The following SUPT3H variants were observed in gnomAD, a reference collection of about 807,000 sequenced individuals.
SUPT3H encodes the protein transcription initiation protein SPT3 homolog.
In SUPT3H, 44 loss-of-function variants were observed where a neutral mutation model predicts 44.3. The observed-to-expected ratio is 0.99, with a 90% CI of 0.78 to 1.28. SUPT3H has a LOEUF of 1.28. Among genes scored for constraint, SUPT3H ranks in the 50% most tolerant of loss-of-function variants. The pLI, the probability that SUPT3H is intolerant of heterozygous loss-of-function variation, is 0.00. For missense variants in SUPT3H, 380 were observed against 387.1 expected (o/e 0.98, Z 0.15); for synonymous variants, 124 against 125.6 (o/e 0.99, Z 0.09).
chr6:44,849,701 A>C (rs1467665788), intron 10 of SUPT3H, among the ~76,000 whole-genome samples: 1 of 152,194 alleles, frequency 6.6e-6, no homozygotes, highest in African/African-American at 2.4e-5. Flanking sequence ...CTGGAACAAT[A>C]ATCTCAGGAA....
chr6:44,987,900 A>T (rs1582917684), intron 6 of SUPT3H, among the ~76,000 whole-genome samples: 1 of 152,112 alleles, frequency 6.6e-6, no homozygotes, highest in South Asian at 2.1e-4. Context: ...AAGAGAGGAA[A>T]AGGTTTAAAT....
At chr6:45,184,062 G>T (rs182095851) in intron 2 of SUPT3H, among the ~76,000 whole-genome samples, 1 of 151,780 alleles carries the variant, frequency 6.6e-6, no homozygotes, top group Non-Finnish European at 1.5e-5. Context: ...TGGCTCATCA[G>T]TTTTAACAAA....
chr6:45,033,119 T>C (rs1010905278), intron 3 of SUPT3H, among the ~76,000 whole-genome samples: 2 of 152,094 alleles, frequency 1.3e-5, no homozygotes, highest in Non-Finnish European at 2.9e-5. Context: ...CTTGCAGATA[T>C]GTTAAGAAGA....
chr6:45,368,495 A>G (rs1038393348), intron 1 of SUPT3H, among the ~76,000 whole-genome samples: 1 of 152,200 alleles, frequency 6.6e-6, no homozygotes, highest in Non-Finnish European at 1.5e-5. Context: ...AACAAAATGC[A>G]CTGAACATGC....
chr6:45,373,096 C>T (rs571066221), intron 1 of SUPT3H, among the ~76,000 whole-genome samples: 4 of 152,164 alleles, frequency 2.6e-5, no homozygotes, highest in South Asian at 2.1e-4. Flanking sequence ...TGTGAGTCAC[C>T]GCACCCGGCC....
chr6:45,203,392 T>A (rs765742437), intron 2 of SUPT3H, among the ~76,000 whole-genome samples: 2 of 152,178 alleles, frequency 1.3e-5, no homozygotes, highest in Non-Finnish European at 2.9e-5. Flanking sequence ...CTTAAGTATA[T>A]CCTGAGTTGT....
chr6:44,826,442 G>C (rs1474864345), downstream of SUPT3H, among the ~76,000 whole-genome samples: 1 of 152,172 alleles, frequency 6.6e-6, no homozygotes, highest in African/African-American at 2.4e-5. Context: ...GATGCCCTTA[G>C]ATTATTTGCA....
At chr6:44,822,662 A>G (rs1767416398), downstream of SUPT3H, among the ~76,000 whole-genome samples, 1 of 152,202 alleles carries the variant, frequency 6.6e-6, no homozygotes, top group Non-Finnish European at 1.5e-5. Flanking sequence ...AACCTGATGC[A>G]TGCGGTGCTT....
chr6:45,021,448 C>T lies in SUPT3H; in HGVS notation c.187-816G>A, dbSNP rs192214030. Among the ~76,000 whole-genome samples the T allele has an allele frequency of 5.9e-5, 9 of 151,884 alleles. No homozygotes were observed. In the East Asian group the frequency reaches 1.5e-3, roughly 26 times the overall value. ...ATTTCTTATTTTGATTAGTTGGAAG[C>T]AACATAAAATACGCCCATCTGAAAA... On this transcript the variant is annotated intron_variant, in intron 3 of 10. Transcript: ENST00000371459.
At chr6:45,178,697 G>C (rs1043957912) in intron 2 of SUPT3H, among the ~76,000 whole-genome samples, 19 of 152,162 alleles carry the variant, frequency 1.2e-4, no homozygotes, top group Admixed American at 3.9e-4. Context: ...TAAAAGAACA[G>C]AAATTATAAC....
At chr6:45,069,305 G>A (rs1438640385) in intron 3 of SUPT3H, among the ~76,000 whole-genome samples, 1 of 152,182 alleles carries the variant, frequency 6.6e-6, no homozygotes. Context: ...GAGCAGGGAA[G>A]AGCGACATGA....
chr6:44,900,428 G>C lies in SUPT3H; in HGVS notation c.912+32225C>G, dbSNP rs149250653. On this transcript the variant is annotated intron_variant, in intron 10 of 10. Coordinates refer to ENST00000371459, the MANE Select transcript of SUPT3H (RefSeq NM_003599.4). ...GCCCACGGAGCCTCGCTCACTGCTA[G>C]CACAGTAGTCTGAGATCAAACCGCA... 8.2e-3 allele frequency among the ~76,000 whole-genome samples: 1,249 copies of C among 152,356 alleles called. 17 individuals carry two copies. Among genetic ancestry groups the C allele is most frequent in the African/African-American group, 0.028 (1,175 of 41,596 alleles).
chr6:44,972,088 T>C (rs566421652), intron 6 of SUPT3H, among the ~76,000 whole-genome samples: 1 of 152,186 alleles, frequency 6.6e-6, no homozygotes, highest in African/African-American at 2.4e-5. Flanking sequence ...TCCCCCAAAG[T>C]CTTAACTCAT....
At chr6:45,348,326 A>G (rs1791303195) in intron 2 of SUPT3H, among the ~76,000 whole-genome samples, 2 of 152,078 alleles carry the variant, frequency 1.3e-5, no homozygotes, top group Middle Eastern at 3.4e-3. Flanking sequence ...ATTCTAAAAA[A>G]AAATTCTCTA....
chr6:44,957,454 A>G (rs1775378899), intron 7 of SUPT3H, among the ~76,000 whole-genome samples: 1 of 152,184 alleles, frequency 6.6e-6, no homozygotes, highest in Admixed American at 6.5e-5. Flanking sequence ...CATCTGTGGA[A>G]TACTTCTAAA....
chr6:45,266,209 T>C (rs73441184), intron 2 of SUPT3H, among the ~76,000 whole-genome samples: 1 of 151,696 alleles, frequency 6.6e-6, no homozygotes, highest in Non-Finnish European at 1.5e-5. Flanking sequence ...TCAAAATGGA[T>C]TTAGCCGTTA....
At chr6:45,030,889 A>C (rs1786813985) in intron 3 of SUPT3H, among the ~76,000 whole-genome samples, 1 of 152,178 alleles carries the variant, frequency 6.6e-6, no homozygotes, top group Non-Finnish European at 1.5e-5. Context: ...GAGGGCAAGG[A>C]TCTGCTATGA....
At chr6:45,355,368 A>T (rs1792954026) in intron 2 of SUPT3H, among the ~76,000 whole-genome samples, 1 of 152,000 alleles carries the variant, frequency 6.6e-6, no homozygotes, top group African/African-American at 2.4e-5. Context: ...AACTGTCTCT[A>T]TGAGGAAGTA....
intron 2 of SUPT3H, chr6:45,322,987 A>C: frequency 6.5e-7 from 1 of 1,536,350 alleles, no homozygotes; most frequent in East Asian, 2.3e-5. Context: ...AAAAAACTTC[A>C]AACAATTAAG....
Sources: allele counts gnomAD v4.1 joint callset (sites outside exome capture counted in the v4.1 genomes callset), GRCh38; gene constraint gnomAD v4.1.1; transcripts MANE v1.5; gene names NCBI Gene and HGNC (gene_info 2026-07-23, HGNC 2026-07-21).